The following ARID1B variants were observed in gnomAD, a reference collection of about 807,000 sequenced individuals.
The protein encoded by ARID1B is AT-rich interactive domain-containing protein 1B.
A neutral mutation model predicts 212.3 loss-of-function variants in ARID1B; 30 were observed. The ratio of observed to expected loss-of-function variants is 0.14; its 90% CI spans 0.11 to 0.19. The LOEUF is 0.19. Ranked by LOEUF, ARID1B falls within the 10% of genes least tolerant of loss-of-function variation. The pLI, the probability that ARID1B is intolerant of heterozygous loss-of-function variation, is 1.00. For missense variants in ARID1B, 2,891 were observed against 3,204.0 expected (o/e 0.90, Z 2.36); for synonymous variants, 1,402 against 1,301.7 (o/e 1.08, Z -1.66).
At chr6:156,782,645 A>G (rs1448748107) in intron 1 of ARID1B, among the ~76,000 whole-genome samples, 1 of 152,178 alleles carries the variant, frequency 6.6e-6, no homozygotes, top group Non-Finnish European at 1.5e-5. Context: ...GTTCCTGATT[A>G]CCTTAAAATG....
chr6:157,014,095 G>A (rs972566007), intron 4 of ARID1B, among the ~76,000 whole-genome samples: 1 of 152,178 alleles, frequency 6.6e-6, no homozygotes, highest in Non-Finnish European at 1.5e-5. Flanking sequence ...AACGCAGCAT[G>A]TATTTTCTGC....
At position 156,829,253 on chromosome 6, in the gene ARID1B, G is replaced by A. The variant is rs1421577231; in HGVS notation, c.1818G>A (p.Met606Ile). ...SQGSPMDPMV[M>I]KRPQLYGMGS... ...GCAGCCCAATGGATCCAATGGTGAT[G>A]AAGAGACCTCAGTTGTATGGCATGG... is the stretch of plus-strand genomic sequence containing the variant. The change falls in exon 2 of 20, where the codon ATG becomes ATA. Residue 606 changes from methionine to isoleucine, a missense_variant. Coordinates refer to ENST00000636930, the MANE Select transcript of ARID1B (RefSeq NM_001374828.1). The A allele has an allele frequency of 1.2e-6, 2 of 1,614,152 alleles. No individual in the cohort carries two copies. The highest frequency in any genetic ancestry group is 1.7e-5 in the Admixed American group (1 of 60,032).
intron 4 of ARID1B, among the ~76,000 whole-genome samples, chr6:157,059,046 C>T (rs1170614873): frequency 2.6e-5 from 4 of 151,088 alleles, no homozygotes; most frequent in African/African-American, 9.7e-5. Context: ...AAAGGTACTT[C>T]AGCTTGGAAA....
In ARID1B at chr6:157,189,681, C is replaced by T. The variant is rs1202710670; in HGVS notation, c.3959C>T (p.Ser1320Leu). Residue 1320 changes from serine (S) to leucine (L), a missense_variant, in exon 14 of 20, where the codon TCA (serine) becomes TTA (leucine). Transcript: ENST00000636930. Reference sequence around the variant, plus strand: ...TTGCAAGGCCCACAGACCCCCCAGTCAACTGGCAGCAATTCCATGGCAGAG... The same window carrying T: ...TTGCAAGGCCCACAGACCCCCCAGTTAACTGGCAGCAATTCCATGGCAGAG... ...GSLQGPQTPQSTGSNSMAEVP... is the reference protein window; with the variant it reads ...GSLQGPQTPQLTGSNSMAEVP... The T allele has an allele frequency of 2.5e-6, 4 of 1,613,884 alleles. No homozygotes were observed. Among genetic ancestry groups the T allele is most frequent in the Non-Finnish European group, 3.4e-6 (4 of 1,180,000 alleles).
chr6:157,043,257 C>G (rs1782007607), intron 4 of ARID1B, among the ~76,000 whole-genome samples: 1 of 152,166 alleles, frequency 6.6e-6, no homozygotes, highest in Non-Finnish European at 1.5e-5. Context: ...TGCCTTTCCC[C>G]TGAAATGCTT....
At chr6:156,913,435 T>C (rs1044718998) in intron 3 of ARID1B, among the ~76,000 whole-genome samples, 5 of 152,012 alleles carry the variant, frequency 3.3e-5, no homozygotes, top group Admixed American at 6.6e-5. Flanking sequence ...GCCAGGCTGG[T>C]CTTGAACTCC....
chr6:157,043,524 T>C (rs1782023585), intron 4 of ARID1B, among the ~76,000 whole-genome samples: 1 of 152,214 alleles, frequency 6.6e-6, no homozygotes, highest in African/African-American at 2.4e-5. Context: ...TATGGTAAGC[T>C]TAGAGAATCC....
chr6:156,861,657 CA>C (rs1785342634), intron 2 of ARID1B, among the ~76,000 whole-genome samples: 1 of 151,898 alleles, frequency 6.6e-6, no homozygotes, highest in Non-Finnish European at 1.5e-5. Flanking sequence ...GAAACCAGAC[CA>C]GAGACAGGTT....
rs148671817 is a variant in ARID1B, at chr6:156,973,127, C to T, written c.2247+37551C>T. ...TGCCGTGCAGTACAGTAGGCACTAG[C>T]TACTTGTGGGTATTGTGCACTCAAA... On this transcript the variant is annotated intron_variant, in intron 4 of 19. Coordinates refer to ENST00000636930, the MANE Select transcript of ARID1B (RefSeq NM_001374828.1). 2.3e-3 allele frequency among the ~76,000 whole-genome samples: 351 copies of T among 152,286 alleles called. 1 individual carries two copies. The highest frequency in any genetic ancestry group is 7.9e-3 in the African/African-American group (327 of 41,548).
intron 2 of ARID1B, among the ~76,000 whole-genome samples, chr6:156,863,893 TGTGTGGA>T (rs1195021944): frequency 1.3e-5 from 2 of 152,178 alleles, no homozygotes; most frequent in Admixed American, 6.5e-5. Context: ...CAAAATTGGA[TGTGTGGA>T]GTGTGGAGAG....
At chr6:157,082,163 A>T (rs576967818) in intron 4 of ARID1B, among the ~76,000 whole-genome samples, 1 of 152,290 alleles carries the variant, frequency 6.6e-6, no homozygotes, top group South Asian at 2.1e-4. Flanking sequence ...GTTCCTGTTA[A>T]AGCTTGTACC....
chr6:157,081,955 A>G (rs1458808690), intron 4 of ARID1B, among the ~76,000 whole-genome samples: 11 of 152,226 alleles, frequency 7.2e-5, no homozygotes, highest in Non-Finnish European at 1.6e-4. Context: ...GAAACATGAA[A>G]AGCCTATTTC....
Position 157,174,057 on chromosome 6 carries a change from C to T in ARID1B, c.3285C>T (p.Pro1095=), listed in dbSNP as rs769820008. Reference sequence around the variant, plus strand: ...TGTCTCCTGGTGAATCCAAACTGCCCCTGCCTCTCAAAGCAGACGGCAAAG... The same window carrying T: ...TGTCTCCTGGTGAATCCAAACTGCCTCTGCCTCTCAAAGCAGACGGCAAAG... The part of the protein sequence containing the change: ...DMMSPGESKL[P]LPLKADGKEE... Residue 1095 remains proline, a synonymous_variant, in exon 10 of 20, where the codon CCC becomes CCT. Coordinates refer to ENST00000636930, the MANE Select transcript of ARID1B (RefSeq NM_001374828.1). 1.5e-5 allele frequency: 24 copies of T among 1,614,100 alleles called. No individual in the cohort carries two copies. The highest frequency in any genetic ancestry group is 1.5e-5 in the Non-Finnish European group (18 of 1,180,014).
chr6:157,056,933 G>A (rs1243150309), intron 4 of ARID1B, among the ~76,000 whole-genome samples: 1 of 150,486 alleles, frequency 6.6e-6, no homozygotes, highest in Non-Finnish European at 1.5e-5. Flanking sequence ...AGGGGTACAT[G>A]TGCAGGTTTG....
intron 4 of ARID1B, among the ~76,000 whole-genome samples, chr6:157,058,484 T>G (rs1248500946): frequency 6.6e-6 from 1 of 152,126 alleles, no homozygotes; most frequent in Non-Finnish European, 1.5e-5. Context: ...AGACTGGTCT[T>G]GAACTCCTGA....
At chr6:157,034,275 C>T (rs1353792123) in intron 4 of ARID1B, among the ~76,000 whole-genome samples, 3 of 152,078 alleles carry the variant, frequency 2.0e-5, no homozygotes, top group Non-Finnish European at 4.4e-5. Context: ...TAATAAATAT[C>T]TGCACAGTAT....
At chr6:157,061,243 T>C (rs987848501) in intron 4 of ARID1B, among the ~76,000 whole-genome samples, 5 of 152,248 alleles carry the variant, frequency 3.3e-5, no homozygotes, top group African/African-American at 7.2e-5. Flanking sequence ...CATTTGAATT[T>C]ACATTTGTTA....
intron 6 of ARID1B, among the ~76,000 whole-genome samples, chr6:157,126,628 A>T (rs1400059169): frequency 1.3e-5 from 2 of 152,196 alleles, no homozygotes; most frequent in South Asian, 2.1e-4. Context: ...TCATATTTTC[A>T]TATGAGGTTT....
At chr6:157,033,904 G>A (rs1469520122) in intron 4 of ARID1B, among the ~76,000 whole-genome samples, 1 of 152,150 alleles carries the variant, frequency 6.6e-6, no homozygotes, top group East Asian at 1.9e-4. Flanking sequence ...TCACACCTCT[G>A]TACTTCAGGA....
Sources: gnomAD v4.1 joint callset for allele counts (sites outside exome capture counted in the v4.1 genomes callset) on GRCh38, gnomAD v4.1.1 for gene constraint, MANE v1.5 for transcripts, NCBI Gene and HGNC (gene_info 2026-07-23, HGNC 2026-07-21) for gene names.